KANK4: variants seen among roughly 807,000 people sequenced by gnomAD.
KANK4 encodes KN motif and ankyrin repeat domain-containing protein 4.
In KANK4, 50 loss-of-function variants were observed where a neutral mutation model predicts 80.8. The ratio of observed to expected loss-of-function variants is 0.62; its 90% CI spans 0.49 to 0.78. The LOEUF (loss-of-function observed/expected upper bound fraction) is 0.78, where lower values mean the gene tolerates loss of function less well. Among genes scored for constraint, KANK4 ranks in the 30% least tolerant of loss-of-function variants. KANK4 has a pLI of 0.00. For missense variants in KANK4, 1,196 were observed against 1,240.1 expected, an observed-to-expected ratio of 0.96 and a Z score of 0.53; for synonymous variants, 465 against 506.9, an observed-to-expected ratio of 0.92 and a Z score of 1.11.
At chr1:62,252,140 A>C (rs751764325) in intron 8 of KANK4, among the ~76,000 whole-genome samples, 2 of 152,224 alleles carry the variant, frequency 1.3e-5, no homozygotes, top group Non-Finnish European at 2.9e-5. Flanking sequence ...GCAAAGAAGC[A>C]GGAGACCACC....
rs974596832 is a variant in KANK4, at chr1:62,263,029, T to A, written c.2539+63A>T. The A allele has an allele frequency of 1.1e-5, 14 of 1,283,160 alleles. No homozygotes were observed. The African/African-American group carries it at 1.2e-4, about 11-fold the overall frequency. The allele number at this position is 1,283,160 out of a possible 1,614,324, so 79.5% of individuals were successfully genotyped here. A position where few individuals can be genotyped will look rare whatever the true frequency, so the allele number is the denominator to read the frequency against. ...AAGCTATTGAAATTTTTGAAAAAAA[T>A]TTTAAAAATTGCCCTGCTCTTCAAG... On this transcript the variant is annotated intron_variant, in intron 7 of 9. Transcript: ENST00000371153.
At chr1:62,256,540 G>T (rs916739747) in intron 7 of KANK4, among the ~76,000 whole-genome samples, 7 of 152,062 alleles carry the variant, frequency 4.6e-5, no homozygotes, top group Non-Finnish European at 5.9e-5. Flanking sequence ...GAGCCATCAC[G>T]CCCCACTAAT....
At chr1:62,301,593 C>T (rs12058486) in intron 1 of KANK4, among the ~76,000 whole-genome samples, 50,337 of 150,264 alleles carry the variant, frequency 0.33, 9,859 homozygotes, top group African/African-American at 0.53. Flanking sequence ...TGTGTGGATC[C>T]GGGTCTGAAT....
At chr1:62,263,981 T>C (rs950696259) in intron 6 of KANK4, among the ~76,000 whole-genome samples, 1 of 152,292 alleles carries the variant, frequency 6.6e-6, no homozygotes. Flanking sequence ...TCAACTCTTG[T>C]GTGTGACATG....
At chr1:62,307,892 C>T (rs1215603966) in intron 1 of KANK4, among the ~76,000 whole-genome samples, 2 of 152,158 alleles carry the variant, frequency 1.3e-5, no homozygotes, top group Non-Finnish European at 2.9e-5. Context: ...CAAATGCCAC[C>T]CATGTGCCTG....
chr1:62,262,993 T>A (rs1487015038), intron 7 of KANK4, 99 bp downstream of exon 7: 1 of 853,784 alleles, frequency 1.2e-6, no homozygotes, highest in African/African-American at 1.7e-5. Context: ...CAAAAACCAC[T>A]TGTACCTTTA....
chr1:62,267,314 T>TG (rs11371637), intron 5 of KANK4, among the ~76,000 whole-genome samples: 117,696 of 152,160 alleles, frequency 0.77, 45,888 homozygotes, highest in African/African-American at 0.86. Context: ...TCGTTGAAGC[T>TG]GGGTGTCCAC....
intron 1 of KANK4, among the ~76,000 whole-genome samples, chr1:62,293,241 C>T (rs1672722597): frequency 7.7e-6 from 1 of 130,066 alleles, no homozygotes; most frequent in Non-Finnish European, 1.6e-5. Context: ...GCATGCACCA[C>T]CACACCCCGC....
rs1346894057 is a variant in KANK4, at chr1:62,271,474, T to C, written c.2012+4A>G. 1.9e-6 allele frequency: 3 copies of C among 1,596,596 alleles called. No homozygotes were observed. The highest frequency in any genetic ancestry group is 2.7e-5 in the African/African-American group (2 of 74,544). ...GCAGTCTGAGCTTCACAAGCGATGC[T>C]TACCCACCGTTAACCCCAACAAACT... On this transcript the variant is annotated splice_donor_region_variant and intron_variant, in intron 4 of 9. Coordinates refer to ENST00000371153, the MANE Select transcript of KANK4 (RefSeq NM_181712.5).
rs776812606 is a variant in KANK4 at position 62,281,536 on chromosome 1, G to T, written c.16+13C>A. On this transcript the variant is annotated intron_variant, in intron 2 of 9. Transcript: ENST00000371153. ...CTTATCTTAAACCAGGCCCTACAAA[G>T]CAGCTTGCCTACCATCTGTCTTCTC... 2.5e-6 allele frequency: 4 copies of T among 1,613,986 alleles called. No individual in the cohort carries two copies. The South Asian group carries it at 3.3e-5, about 13-fold the overall frequency.
chr1:62,251,493 A>G (rs1223330225), intron 8 of KANK4, among the ~76,000 whole-genome samples: 7 of 152,136 alleles, frequency 4.6e-5, no homozygotes, highest in Admixed American at 4.6e-4. Flanking sequence ...AAAATGGGCA[A>G]ATGACCTTTT....
At chr1:62,261,672 A>T (rs1424667095) in intron 7 of KANK4, among the ~76,000 whole-genome samples, 1 of 151,988 alleles carries the variant, frequency 6.6e-6, no homozygotes, top group East Asian at 1.9e-4. Flanking sequence ...ACTTCCTGGG[A>T]CCTTCCAAGC....
At chr1:62,281,500 C>T (rs1450500897) in intron 2 of KANK4, 49 bp downstream of exon 2, 1 of 1,612,662 alleles carries the variant, frequency 6.2e-7, no homozygotes, top group Non-Finnish European at 8.5e-7. Flanking sequence ...AATTCTTTCC[C>T]AGCCCAAGTG....
chr1:62,314,367 G>A lies in KANK4; in HGVS notation c.-71+4739C>T, dbSNP rs183950463. Among the ~76,000 whole-genome samples, 222 of 152,210 alleles carry A rather than the reference G, an allele frequency of 1.5e-3. 1 individual carries two copies. Among genetic ancestry groups the A allele is most frequent in the Middle Eastern group, 3.4e-3 (1 of 294 alleles). On this transcript the variant is annotated intron_variant, in intron 1 of 9. Coordinates refer to ENST00000371153, the MANE Select transcript of KANK4 (RefSeq NM_181712.5). ...GAGTAGGATGGCTACATTTTCCAAG[G>A]CAGAAGGGAGAGCGGGGTGGGAAAC...
chr1:62,281,511 C>A, intron 2 of KANK4, 38 bp downstream of exon 2: 1 of 1,613,898 alleles, frequency 6.2e-7, no homozygotes, highest in Non-Finnish European at 8.5e-7. Context: ...AGCCCAAGTG[C>A]TTATCTTAAA....
rs116727272 is a variant in KANK4 at position 62,268,079 on chromosome 1, A to G, written c.2231+208T>C. Among the ~76,000 whole-genome samples, 886 of 152,208 alleles carry G rather than the reference A, an allele frequency of 5.8e-3. 8 individuals are homozygous for G. Among genetic ancestry groups the G allele is most frequent in the African/African-American group, 0.02 (851 of 41,514 alleles). On this transcript the variant is annotated intron_variant, in intron 5 of 9. Coordinates refer to ENST00000371153, the MANE Select transcript of KANK4 (RefSeq NM_181712.5). ...GTAAATGTTGACTTTACAGGTAGAT[A>G]TCGGCTGTGACAGTACATTCCACGA...
At chr1:62,253,476 C>G (rs371759827) in intron 7 of KANK4, among the ~76,000 whole-genome samples, 1 of 129,944 alleles carries the variant, frequency 7.7e-6, no homozygotes, top group Admixed American at 9.3e-5. Flanking sequence ...GTGACTCAAT[C>G]CCGTCTCACT....
chr1:62,248,245 T>A (rs1277231722), intron 8 of KANK4, among the ~76,000 whole-genome samples: 1 of 152,240 alleles, frequency 6.6e-6, no homozygotes, highest in African/African-American at 2.4e-5. Flanking sequence ...TTGACAGTAA[T>A]CTTGGGCATC....
chr1:62,256,596 T>C lies in KANK4; in HGVS notation c.2540-3387A>G, dbSNP rs569772506. ...TGGGGTTTCTCCATGTTGGTCAGGTTGGTCTCGAACTCCCGACCTCAGGTG... is the reference window on the plus strand; with the variant it reads ...TGGGGTTTCTCCATGTTGGTCAGGTCGGTCTCGAACTCCCGACCTCAGGTG... On this transcript the variant is annotated intron_variant, in intron 7 of 9. Transcript: ENST00000371153. Among the ~76,000 whole-genome samples the C allele has an allele frequency of 1.1e-4, 16 of 152,238 alleles. No homozygotes were observed. The South Asian group carries it at 1.7e-3, about 16-fold the overall frequency.
Sources: gnomAD v4.1 joint callset for allele counts (sites outside exome capture counted in the v4.1 genomes callset) on GRCh38, gnomAD v4.1.1 for gene constraint, MANE v1.5 for transcripts, NCBI Gene and HGNC (gene_info 2026-07-23, HGNC 2026-07-21) for gene names.